The following PVT1 variants were observed in gnomAD, a reference collection of about 807,000 sequenced individuals.
The protein encoded by PVT1 is Pvt1 oncogene.
At chr8:127,813,568 A>G (rs1210944216) in intron 2 of PVT1, among the ~76,000 whole-genome samples, 1 of 152,022 alleles carries the variant, frequency 6.6e-6, no homozygotes, top group Middle Eastern at 3.4e-3. Flanking sequence ...GTCTCCTCCC[A>G]CTCTAATAAC....
At chr8:127,855,187 T>A in intron 2 of PVT1, 1 of 398,668 alleles carries the variant, frequency 2.5e-6, no homozygotes, top group Non-Finnish European at 4.4e-6. Context: ...GGAAGCCAAC[T>A]ATTAAGGGGA....
At chr8:127,849,284 T>A (rs973104500) in intron 2 of PVT1, among the ~76,000 whole-genome samples, 4 of 152,134 alleles carry the variant, frequency 2.6e-5, no homozygotes, top group African/African-American at 9.7e-5. Context: ...ACCTTTTCAG[T>A]GCCTCTAAGA....
At chr8:127,932,606 C>G (rs1470117847) in intron 3 of PVT1, 2 of 398,434 alleles carry the variant, frequency 5.0e-6, no homozygotes, top group African/African-American at 4.1e-5. Flanking sequence ...TGCAGATTCG[C>G]TGTTCGTAGA....
intron 4 of PVT1, among the ~76,000 whole-genome samples, chr8:127,989,656 A>G (rs764939490): frequency 6.6e-6 from 1 of 152,236 alleles, no homozygotes; most frequent in East Asian, 1.9e-4. Context: ...ATATAATCAG[A>G]TTGAAACACC....
intron 3 of PVT1, among the ~76,000 whole-genome samples, chr8:127,905,404 TCA>T (rs1452554108): frequency 6.6e-6 from 1 of 152,224 alleles, no homozygotes; most frequent in East Asian, 1.9e-4. Flanking sequence ...ACGGGGAGCC[TCA>T]CATGAAGAAG....
chr8:128,070,119 T>C (rs1363633984), intron 4 of PVT1: 1 of 152,140 alleles, frequency 6.6e-6, no homozygotes, highest in African/African-American at 2.4e-5. Context: ...CTGCTATAGA[T>C]CTCAATTTGG....
At chr8:128,081,968 C>T (rs1814187370) in intron 5 of PVT1, among the ~76,000 whole-genome samples, 1 of 151,990 alleles carries the variant, frequency 6.6e-6, no homozygotes, top group Non-Finnish European at 1.5e-5. Context: ...TATTGAACAC[C>T]CCCCCTCACT....
intron 2 of PVT1, among the ~76,000 whole-genome samples, chr8:127,886,699 A>G (rs1349521532): frequency 6.6e-6 from 1 of 151,834 alleles, no homozygotes; most frequent in Non-Finnish European, 1.5e-5. Flanking sequence ...CTAAGAATAC[A>G]TTTTCCTTTG....
At chr8:127,900,537 T>C (rs1018625132) in intron 3 of PVT1, among the ~76,000 whole-genome samples, 1 of 152,144 alleles carries the variant, frequency 6.6e-6, no homozygotes, top group Non-Finnish European at 1.5e-5. Flanking sequence ...GTTTTTAAAT[T>C]CTTAGGTAGG....
intron 3 of PVT1, among the ~76,000 whole-genome samples, chr8:127,954,913 T>C (rs894277192): frequency 1.3e-5 from 2 of 152,206 alleles, no homozygotes; most frequent in African/African-American, 4.8e-5. Context: ...TCCTCCATCC[T>C]TTATTCAAAA....
At chr8:128,035,573 G>A (rs938490240) in intron 4 of PVT1, among the ~76,000 whole-genome samples, 1 of 152,206 alleles carries the variant, frequency 6.6e-6, no homozygotes, top group Non-Finnish European at 1.5e-5. Context: ...CATGTGGTCT[G>A]CTGGACAGCA....
At chr8:127,858,805 CTTTTTTTTT>C (rs35886687) in intron 2 of PVT1, among the ~76,000 whole-genome samples, 53 of 47,322 alleles carry the variant, frequency 1.1e-3, no homozygotes, top group African/African-American at 2.2e-3. Flanking sequence ...CTTGAAGATT[CTTTTTTTTT>C]TTTTTTTTTT....
At chr8:127,974,121 T>TGAG in intron 3 of PVT1, among the ~76,000 whole-genome samples, 1 of 151,992 alleles carries the variant, frequency 6.6e-6, no homozygotes, top group East Asian at 1.9e-4. Flanking sequence ...CTGGGCTGTG[T>TGAG]GAGGAGGAGG....
At chr8:128,042,955 G>T (rs978692254) in intron 4 of PVT1, among the ~76,000 whole-genome samples, 1 of 151,794 alleles carries the variant, frequency 6.6e-6, no homozygotes, top group East Asian at 1.9e-4. Flanking sequence ...GTAGAGACAG[G>T]GTTTCACCAT....
chr8:128,043,706 C>CGTGTGTGT (rs1813573064), intron 4 of PVT1, among the ~76,000 whole-genome samples: 1 of 150,104 alleles, frequency 6.7e-6, no homozygotes, highest in African/African-American at 2.5e-5. Context: ...TTTGTGTGTC[C>CGTGTGTGT]GTATGTGTGT....
chr8:127,872,195 A>T (rs1272650135), intron 2 of PVT1, among the ~76,000 whole-genome samples: 1 of 152,156 alleles, frequency 6.6e-6, no homozygotes, highest in Non-Finnish European at 1.5e-5. Context: ...CAGGCAGATC[A>T]CTGAGGTCAG....
At chr8:127,899,370 C>A (rs186701801) in intron 3 of PVT1, among the ~76,000 whole-genome samples, 22 of 152,228 alleles carry the variant, frequency 1.4e-4, no homozygotes, top group African/African-American at 5.3e-4. Flanking sequence ...ATAGTAAGCC[C>A]TGAATCTCAT....
At chr8:128,023,363 G>T (rs975791438) in intron 4 of PVT1, among the ~76,000 whole-genome samples, 2 of 152,134 alleles carry the variant, frequency 1.3e-5, no homozygotes, top group South Asian at 2.1e-4. Flanking sequence ...AGACCTCCAT[G>T]TGAGCCCAGC....
At chr8:128,003,997 T>C (rs1817217244) in intron 4 of PVT1, among the ~76,000 whole-genome samples, 1 of 152,220 alleles carries the variant, frequency 6.6e-6, no homozygotes. Flanking sequence ...TTCTGTGTCC[T>C]TACATGGTTG....
Sources: gnomAD v4.1 joint callset for allele counts (sites outside exome capture counted in the v4.1 genomes callset) on GRCh38, gnomAD v4.1.1 for gene constraint, MANE v1.5 for transcripts, NCBI Gene and HGNC (gene_info 2026-07-23, HGNC 2026-07-21) for gene names.